Variants in NALF1 observed in about 807,000 individuals in gnomAD.
The protein encoded by NALF1 is NALCN channel auxiliary factor 1, also known as family with sequence similarity 155 member A.
A neutral mutation model predicts 48.4 loss-of-function variants in NALF1; 3 were observed. The observed-to-expected ratio is 0.06, with a 90% CI of 0.03 to 0.16. The LOEUF (loss-of-function observed/expected upper bound fraction) is 0.16. NALF1 is among the 10% of genes least tolerant of loss of function. The pLI is 1.00. For synonymous variants in NALF1, 262 were observed against 245.7 expected, an observed-to-expected ratio of 1.07 and a Z score of -0.62; for missense variants, 526 against 571.5, an observed-to-expected ratio of 0.92 and a Z score of 0.81.
At chr13:107,329,489 CT>C (rs1197401981) in intron 1 of NALF1, among the ~76,000 whole-genome samples, 173 of 147,718 alleles carry the variant, frequency 1.2e-3, no homozygotes, top group Middle Eastern at 7.0e-3. Context: ...GCTTCACTCT[CT>C]TTTTTTTTTT....
intron 1 of NALF1, among the ~76,000 whole-genome samples, chr13:107,635,734 GC>G (rs1429914635): frequency 9.2e-5 from 14 of 152,236 alleles, no homozygotes; most frequent in Admixed American, 9.2e-4. Flanking sequence ...ACGACACTTA[GC>G]CCCATAAGCC....
intron 1 of NALF1, among the ~76,000 whole-genome samples, chr13:107,303,369 G>A (rs1285985839): frequency 2.6e-5 from 4 of 152,234 alleles, no homozygotes; most frequent in African/African-American, 7.2e-5. Context: ...GATATACAAT[G>A]TATGTTTTAT....
intron 1 of NALF1, among the ~76,000 whole-genome samples, chr13:107,568,160 T>C (rs1209167051): frequency 2.0e-5 from 3 of 152,092 alleles, no homozygotes; most frequent in Non-Finnish European, 4.4e-5. Flanking sequence ...TTTAATTTTT[T>C]CGTAGAGATG....
rs951422412 is a variant in NALF1 at position 107,170,150 on chromosome 13, G to C, written c.*347C>G. On this transcript the variant is annotated 3_prime_UTR_variant, in exon 3 of 3. Transcript: ENST00000375915. Reference sequence around the variant, plus strand: ...GAGATAGAGACAGTGAAAAGACTTAGTTTACCTCTGAGAAACCATCCCCCA... The same window carrying C: ...GAGATAGAGACAGTGAAAAGACTTACTTTACCTCTGAGAAACCATCCCCCA... 2 of 213,842 alleles carry C rather than the reference G, an allele frequency of 9.4e-6. No individual in the cohort carries two copies. Among genetic ancestry groups the C allele is most frequent in the African/African-American group, 4.6e-5 (2 of 43,924 alleles). 13.2% of individuals were successfully genotyped at this position (213,842 alleles called of 1,614,324 possible).
chr13:107,537,092 A>G (rs1412532710), intron 1 of NALF1, among the ~76,000 whole-genome samples: 5 of 151,814 alleles, frequency 3.3e-5, no homozygotes, highest in Non-Finnish European at 1.5e-5. Context: ...GGGTGGGAGG[A>G]GTGGGGAGGG....
At chr13:107,508,599 A>G (rs1875776044) in intron 1 of NALF1, among the ~76,000 whole-genome samples, 1 of 152,158 alleles carries the variant, frequency 6.6e-6, no homozygotes, top group Non-Finnish European at 1.5e-5. Context: ...CATTGACAAT[A>G]AAATGCAGTT....
chr13:107,442,432 C>T (rs530194520), intron 1 of NALF1, among the ~76,000 whole-genome samples: 8 of 152,260 alleles, frequency 5.3e-5, no homozygotes, highest in Middle Eastern at 3.4e-3. Flanking sequence ...TGTCTGTGTA[C>T]CCCTAGTTAA....
intron 1 of NALF1, among the ~76,000 whole-genome samples, chr13:107,509,481 T>C (rs1875809515): frequency 6.6e-6 from 1 of 152,158 alleles, no homozygotes; most frequent in Non-Finnish European, 1.5e-5. Context: ...GTTAGAAAAA[T>C]GGGTCTTTGA....
At chr13:107,170,838 A>T (rs920527555) in intron 2 of NALF1, 52 bp from the exon 3 acceptor site, 1 of 1,534,264 alleles carries the variant, frequency 6.5e-7, no homozygotes. Flanking sequence ...CATTTGCGAC[A>T]TAGTAGAGTG....
chr13:107,849,712 T>C (rs1463623908), intron 1 of NALF1, among the ~76,000 whole-genome samples: 4 of 152,204 alleles, frequency 2.6e-5, no homozygotes, highest in Non-Finnish European at 5.9e-5. Flanking sequence ...TCACTCTCAA[T>C]TGGAGGAGTG....
At position 107,444,440 on chromosome 13, in the gene NALF1, C is replaced by G. The variant is rs143802794; in HGVS notation, c.916-233685G>C. ...AGGGAAGGGGAGTGGCAACTATGAA[C>G]TCAGCAAACCAGAGTTAAACTTTAT... is the stretch of plus-strand genomic sequence containing the variant. On this transcript the variant is annotated intron_variant, in intron 1 of 2. Transcript: ENST00000375915. Among the ~76,000 whole-genome samples, 177 of 152,222 alleles carry G rather than the reference C, an allele frequency of 1.2e-3. 1 individual carries two copies. Among genetic ancestry groups the G allele is most frequent in the African/African-American group, 4.0e-3 (166 of 41,530 alleles).
chr13:107,320,453 C>T (rs74397515), intron 1 of NALF1, among the ~76,000 whole-genome samples: 8,866 of 152,150 alleles, frequency 0.058, 435 homozygotes, highest in African/African-American at 0.13. Flanking sequence ...ATCTTTGACT[C>T]ATTTTCTTAC....
In NALF1 at chr13:107,442,924, G is replaced by C. The variant is rs1400939716; in HGVS notation, c.916-232169C>G. ...TAACGCAAGAGAATATTTTAAAATT[G>C]TGTCTAAAAATAGGGCATAGAACAA... On this transcript the variant is annotated intron_variant, in intron 1 of 2. Coordinates refer to ENST00000375915, the MANE Select transcript of NALF1 (RefSeq NM_001080396.3). Among the ~76,000 whole-genome samples, 3 of 152,212 alleles carry C rather than the reference G, an allele frequency of 2.0e-5. No individual in the cohort carries two copies. The East Asian group carries it at 5.8e-4, about 29-fold the overall frequency.
At chr13:107,513,944 C>G (rs1350037473) in intron 1 of NALF1, among the ~76,000 whole-genome samples, 2 of 152,182 alleles carry the variant, frequency 1.3e-5, no homozygotes, top group African/African-American at 2.4e-5. Flanking sequence ...CCACTGAAGA[C>G]AACTTTAGAC....
chr13:107,829,281 T>C (rs1229951676), intron 1 of NALF1, among the ~76,000 whole-genome samples: 3 of 152,196 alleles, frequency 2.0e-5, no homozygotes, highest in African/African-American at 7.2e-5. Flanking sequence ...ACACCAATAT[T>C]GAGCAGTAAC....
At chr13:107,477,841 T>C (rs1208687315) in intron 1 of NALF1, among the ~76,000 whole-genome samples, 1 of 152,082 alleles carries the variant, frequency 6.6e-6, no homozygotes, top group African/African-American at 2.4e-5. Flanking sequence ...GGAATGTCTT[T>C]CTCAAGGACC....
At chr13:107,803,021 A>G (rs1283730314) in intron 1 of NALF1, among the ~76,000 whole-genome samples, 1 of 152,228 alleles carries the variant, frequency 6.6e-6, no homozygotes, top group Non-Finnish European at 1.5e-5. Context: ...TCTCTTGCAC[A>G]CAACTGCCTG....
chr13:107,347,365 C>T (rs1463026780), intron 1 of NALF1, among the ~76,000 whole-genome samples: 2 of 152,304 alleles, frequency 1.3e-5, no homozygotes, highest in Non-Finnish European at 2.9e-5. Flanking sequence ...GAAACAAGCA[C>T]CCTTGGGCAT....
chr13:107,590,194 TGAG>T lies in NALF1; in HGVS notation c.915+275485_915+275487del, dbSNP rs34268826. ...AAATGAAATGATAAAAAATTTCAAA[TGAG>T]TAGTAAGAAATCCATGAAAATTATA... is the stretch of plus-strand genomic sequence containing the variant. On this transcript the variant is annotated intron_variant, in intron 1 of 2. Coordinates refer to ENST00000375915, the MANE Select transcript of NALF1 (RefSeq NM_001080396.3). 7.6e-3 allele frequency among the ~76,000 whole-genome samples: 1,154 copies of T among 152,110 alleles called. 4 individuals carry two copies. The highest frequency in any genetic ancestry group is 0.011 in the Non-Finnish European group (722 of 67,942).
Sources: allele counts gnomAD v4.1 joint callset (sites outside exome capture counted in the v4.1 genomes callset), GRCh38; gene constraint gnomAD v4.1.1; transcripts MANE v1.5; gene names NCBI Gene and HGNC (gene_info 2026-07-23, HGNC 2026-07-21).